Variants in RALGAPA2 observed in about 807,000 individuals in gnomAD.
The protein encoded by RALGAPA2 is Ral GTPase activating protein catalytic subunit alpha 2, also known as ral GTPase-activating protein subunit alpha-2.
Under a neutral mutation model 230.4 loss-of-function variants are expected in RALGAPA2, and 139 were observed. That is an observed-to-expected ratio of 0.60 (90% CI 0.53 to 0.69). RALGAPA2 has a LOEUF of 0.69. Ranked by LOEUF, RALGAPA2 falls within the 30% of genes least tolerant of loss-of-function variation. The pLI is 0.00. For synonymous variants in RALGAPA2, 847 were observed against 837.8 expected, an observed-to-expected ratio of 1.01 and a Z score of -0.19; for missense variants, 2,163 against 2,276.0, an observed-to-expected ratio of 0.95 and a Z score of 1.01.
intron 17 of RALGAPA2, among the ~76,000 whole-genome samples, chr20:20,590,014 T>C (rs894521355): frequency 4.0e-5 from 6 of 151,180 alleles, no homozygotes; most frequent in Non-Finnish European, 7.4e-5. Flanking sequence ...ATAAAAATTA[T>C]ATTAATATAA....
intron 37 of RALGAPA2, among the ~76,000 whole-genome samples, chr20:20,451,022 A>T (rs1473536556): frequency 6.6e-6 from 1 of 152,224 alleles, no homozygotes; most frequent in Non-Finnish European, 1.5e-5. Context: ...TCTCAAACTC[A>T]AGGCAGTGAA....
intron 2 of RALGAPA2, among the ~76,000 whole-genome samples, chr20:20,678,568 T>C (rs569489742): frequency 6.6e-6 from 1 of 152,248 alleles, no homozygotes; most frequent in Admixed American, 6.5e-5. Flanking sequence ...CTCCTCTCCA[T>C]GTCTCTTCTT....
At chr20:20,494,670 C>G (rs6137047) in intron 36 of RALGAPA2, among the ~76,000 whole-genome samples, 2,678 of 152,290 alleles carry the variant, frequency 0.018, 95 homozygotes, top group East Asian at 0.14. Flanking sequence ...AGGATTGACC[C>G]CATTAGCACA....
At chr20:20,432,728 T>C (rs1199274116) in intron 37 of RALGAPA2, among the ~76,000 whole-genome samples, 1 of 152,098 alleles carries the variant, frequency 6.6e-6, no homozygotes, top group East Asian at 1.9e-4. Flanking sequence ...TTTAGAATGA[T>C]TTTGAAAAAA....
chr20:20,508,122 T>G (rs2062588465), intron 33 of RALGAPA2, among the ~76,000 whole-genome samples: 1 of 152,226 alleles, frequency 6.6e-6, no homozygotes, highest in Non-Finnish European at 1.5e-5. Context: ...AATGATGGGC[T>G]GACCAATGTG....
chr20:20,585,299 G>A (rs924035946), intron 18 of RALGAPA2, among the ~76,000 whole-genome samples: 1 of 152,120 alleles, frequency 6.6e-6, no homozygotes, highest in East Asian at 1.9e-4. Context: ...TGCTCTAGGA[G>A]GCATAAGTTA....
chr20:20,408,743 A>T (rs1016286431), intron 38 of RALGAPA2, among the ~76,000 whole-genome samples: 5 of 151,226 alleles, frequency 3.3e-5, no homozygotes, highest in Non-Finnish European at 5.9e-5. Flanking sequence ...TGTGTGTGTG[A>T]GAGAGAAATG....
chr20:20,624,709 T>C (rs1366356476), intron 10 of RALGAPA2, among the ~76,000 whole-genome samples: 1 of 152,250 alleles, frequency 6.6e-6, no homozygotes, highest in Non-Finnish European at 1.5e-5. Context: ...CAAAAGTGAT[T>C]CTAACACCTC....
intron 1 of RALGAPA2, among the ~76,000 whole-genome samples, chr20:20,685,468 T>A (rs191616314): frequency 6.6e-6 from 1 of 152,092 alleles, no homozygotes; most frequent in African/African-American, 2.4e-5. Context: ...CATAGCCCAA[T>A]GAAATAGATG....
intron 27 of RALGAPA2, among the ~76,000 whole-genome samples, chr20:20,528,914 T>C (rs1261313599): frequency 6.6e-6 from 1 of 152,168 alleles, no homozygotes; most frequent in Non-Finnish European, 1.5e-5. Context: ...TTTCTCCATC[T>C]CTCCCTCCTG....
chr20:20,412,459 C>T (rs999459388), intron 37 of RALGAPA2, among the ~76,000 whole-genome samples: 3 of 152,210 alleles, frequency 2.0e-5, no homozygotes, highest in Non-Finnish European at 4.4e-5. Context: ...ATACTGATTG[C>T]AATAGCATCT....
chr20:20,617,325 A>G (rs1326884628), intron 12 of RALGAPA2, among the ~76,000 whole-genome samples: 2 of 152,256 alleles, frequency 1.3e-5, no homozygotes, highest in Non-Finnish European at 2.9e-5. Context: ...GGTAAGATTA[A>G]AACGTATTAT....
At chr20:20,695,008 C>G (rs2069057704) in intron 1 of RALGAPA2, among the ~76,000 whole-genome samples, 1 of 151,950 alleles carries the variant, frequency 6.6e-6, no homozygotes, top group African/African-American at 2.4e-5. Flanking sequence ...CCAGGGCGTT[C>G]GAGAAAGGGA....
In RALGAPA2 at chr20:20,468,095, G is replaced by A. The variant is rs138370040; in HGVS notation, c.5495+4734C>T. On this transcript the variant is annotated intron_variant, in intron 37 of 39. Transcript: ENST00000202677. ...CTCATTACTTTTTGCAACGTCCAAC[G>A]TCAAAAATCCATTCCTTCAAATTAC... Among the ~76,000 whole-genome samples the A allele has an allele frequency of 2.7e-3, 416 of 151,912 alleles. 2 individuals are homozygous for A. The highest frequency in any genetic ancestry group is 9.5e-3 in the African/African-American group (394 of 41,410).
chr20:20,684,177 C>T (rs1042118781), intron 1 of RALGAPA2, among the ~76,000 whole-genome samples: 4 of 152,076 alleles, frequency 2.6e-5, no homozygotes, highest in Admixed American at 6.6e-5. Flanking sequence ...CTGCAAGTGC[C>T]CCCATGTGTC....
At chr20:20,680,554 G>C in intron 2 of RALGAPA2, 137 bp downstream of exon 2, 1 of 1,254,314 alleles carries the variant, frequency 8.0e-7, no homozygotes, top group Non-Finnish European at 1.0e-6. Context: ...ATGCCACCCT[G>C]TCCACCATGC....
chr20:20,677,062 ATT>A (rs1331045354), intron 2 of RALGAPA2, among the ~76,000 whole-genome samples: 5 of 152,340 alleles, frequency 3.3e-5, no homozygotes, highest in South Asian at 2.1e-4. Context: ...TCATTCATTC[ATT>A]CATTGAATAA....
intron 26 of RALGAPA2, among the ~76,000 whole-genome samples, chr20:20,535,303 T>C (rs138367293): frequency 1.7e-4 from 26 of 152,320 alleles, no homozygotes; most frequent in Non-Finnish European, 2.8e-4. Flanking sequence ...ATCTTGATCA[T>C]AGGTTGCTAG....
At chr20:20,509,298 T>C (rs2062630112) in intron 33 of RALGAPA2, among the ~76,000 whole-genome samples, 1 of 152,218 alleles carries the variant, frequency 6.6e-6, no homozygotes, top group South Asian at 2.1e-4. Context: ...TTCTAATGAC[T>C]TTAAAAAATT....
Sources: gnomAD v4.1 joint callset for allele counts (sites outside exome capture counted in the v4.1 genomes callset) on GRCh38, gnomAD v4.1.1 for gene constraint, MANE v1.5 for transcripts, NCBI Gene and HGNC (gene_info 2026-07-23, HGNC 2026-07-21) for gene names.